The following ACACA variants were observed in gnomAD, a reference collection of about 807,000 sequenced individuals.
ACACA encodes the protein acetyl-CoA carboxylase 1.
ACACA carries 103 observed loss-of-function variants against 296.1 expected under a neutral mutation model. The ratio of observed to expected loss-of-function variants is 0.35; its 90% confidence interval spans 0.30 to 0.41. The LOEUF (loss-of-function observed/expected upper bound fraction) is 0.41. Ranked by LOEUF, ACACA falls within the 10% of genes least tolerant of loss-of-function variation. ACACA has a pLI of 1.00. For missense variants in ACACA, 1,554 were observed against 2,989.7 expected (o/e 0.52, Z 11.20); for synonymous variants, 953 against 1,038.6 (o/e 0.92, Z 1.58).
chr17:37,341,498 G>C (rs982561952), intron 1 of ACACA, among the ~76,000 whole-genome samples: 1 of 151,922 alleles, frequency 6.6e-6, no homozygotes, highest in African/African-American at 2.4e-5. Flanking sequence ...AAAACCAGCT[G>C]GGCCAACATG....
Position 37,171,961 on chromosome 17 carries a change from C to T in ACACA, c.5079+7299G>A, listed in dbSNP as rs117798402. Among the ~76,000 whole-genome samples, 39 of 152,150 alleles carry T rather than the reference C, an allele frequency of 2.6e-4. 1 individual carries two copies. In the East Asian group the frequency reaches 7.5e-3, roughly 29 times the overall value. ...TTAACCAAGTTGGCCTACTATAGTC[C>T]CAGAAGCCTTGTCCATTAATCATAC... On this transcript the variant is annotated intron_variant, in intron 41 of 55. Transcript: ENST00000616317.
At chr17:37,335,522 A>C (rs2048077802) in intron 2 of ACACA, among the ~76,000 whole-genome samples, 1 of 152,158 alleles carries the variant, frequency 6.6e-6, no homozygotes, top group African/African-American at 2.4e-5. Flanking sequence ...GGCTCTTCAG[A>C]ATCTGTGTGC....
At chr17:37,390,248 ATATAT>A (rs1302926578) in intron 1 of ACACA, among the ~76,000 whole-genome samples, 700 of 34,962 alleles carry the variant, frequency 0.02, 46 homozygotes, top group African/African-American at 0.12. Context: ...TATATTATAT[ATATAT>A]TATATATAAT....
rs993755297 is a variant in ACACA at position 37,200,232 on chromosome 17, T to C, written c.4114-49A>G. On this transcript the variant is annotated intron_variant, in intron 34 of 55. Coordinates refer to ENST00000616317, the MANE Select transcript of ACACA (RefSeq NM_198834.3). The stretch of plus-strand genomic sequence containing the variant: ...AAGGAAAGACAGCAGAAGTTGGCAA[T>C]TAGTAACAAAATCAAAAAGAAATTG... The C allele has an allele frequency of 5.9e-6, 9 of 1,512,904 alleles. No homozygotes were observed. In the African/African-American group the frequency reaches 9.6e-5, roughly 16 times the overall value. 93.7% of individuals were successfully genotyped at this position (1,512,904 alleles called of 1,614,324 possible).
At position 37,173,357 on chromosome 17, in the gene ACACA, T is replaced by C. The variant is rs145214237; in HGVS notation, c.5079+5903A>G. ...GGTTTTTCTAAAATAAGAGGTCCTT[T>C]GGGTTAAGAGGTCCAGCCTAAGAAC... On this transcript the variant is annotated intron_variant, in intron 41 of 55. Transcript: ENST00000616317. 2.6e-5 allele frequency among the ~76,000 whole-genome samples: 4 copies of C among 152,306 alleles called. No individual in the cohort carries two copies. The East Asian group carries it at 7.7e-4, about 29-fold the overall frequency.
intron 10 of ACACA, 59 bp from the exon 11 acceptor site, chr17:37,263,953 T>C: frequency 7.1e-7 from 1 of 1,403,528 alleles, no homozygotes; most frequent in Non-Finnish European, 1.0e-6. Context: ...TTTTTATCTA[T>C]CTTGATAAGC....
chr17:37,312,859 T>C (rs1236160333), intron 3 of ACACA, among the ~76,000 whole-genome samples: 1 of 151,756 alleles, frequency 6.6e-6, no homozygotes, highest in African/African-American at 2.4e-5. Flanking sequence ...AGACCCCATC[T>C]CTACAAAAAA....
Position 37,238,516 on chromosome 17 carries a change from T to C in ACACA, c.3121+1960A>G, listed in dbSNP as rs1001278751. Among the ~76,000 whole-genome samples, 3 of 152,152 alleles carry C rather than the reference T, an allele frequency of 2.0e-5. No homozygotes were observed. The South Asian group carries it at 6.2e-4, about 31-fold the overall frequency. ...CTTTATATTAAATCTTGATATCTGATTAGGCAAATCTTTTCACCTTGTATT... is the reference window on the plus strand; with the variant it reads ...CTTTATATTAAATCTTGATATCTGACTAGGCAAATCTTTTCACCTTGTATT... On this transcript the variant is annotated intron_variant, in intron 24 of 55. Transcript: ENST00000616317.
intron 3 of ACACA, among the ~76,000 whole-genome samples, chr17:37,298,366 A>G (rs1192297890): frequency 7.2e-5 from 11 of 152,196 alleles, no homozygotes; most frequent in African/African-American, 2.7e-4. Flanking sequence ...TAAAAACTCT[A>G]CATTATAAAA....
At chr17:37,284,214 A>G (rs1488012844) in intron 4 of ACACA, among the ~76,000 whole-genome samples, 1 of 152,174 alleles carries the variant, frequency 6.6e-6, no homozygotes, top group Non-Finnish European at 1.5e-5. Context: ...TGGAATCTCT[A>G]AGTATATCAT....
chr17:37,166,406 T>C (rs1427627769), intron 41 of ACACA, among the ~76,000 whole-genome samples: 1 of 152,182 alleles, frequency 6.6e-6, no homozygotes, highest in Non-Finnish European at 1.5e-5. Flanking sequence ...CCCAAAATGC[T>C]GGGATTACAG....
At chr17:37,291,225 G>C (rs960371267) in intron 3 of ACACA, among the ~76,000 whole-genome samples, 24 of 149,378 alleles carry the variant, frequency 1.6e-4, no homozygotes, top group African/African-American at 5.2e-4. Flanking sequence ...GCCCAGGCTG[G>C]AGTACAATGG....
chr17:37,152,590 A>G (rs977589693), intron 43 of ACACA, among the ~76,000 whole-genome samples: 4 of 152,226 alleles, frequency 2.6e-5, no homozygotes, highest in African/African-American at 9.6e-5. Flanking sequence ...CAAGTTGTCC[A>G]GAAAGCATCC....
In ACACA at chr17:37,244,828, A is replaced by T. The variant is rs572521590; in HGVS notation, c.2596-94T>A. 572 of 1,545,964 alleles carry T rather than the reference A, an allele frequency of 3.7e-4. 1 individual carries two copies. Among genetic ancestry groups the T allele is most frequent in the Middle Eastern group, 1.0e-3 (6 of 5,944 alleles). Reference sequence around the variant, plus strand: ...TTAAGAGTTATCATTCAAAATCGAGACATCATACCCAGCTACCAGGAGGGA... The same window carrying T: ...TTAAGAGTTATCATTCAAAATCGAGTCATCATACCCAGCTACCAGGAGGGA... On this transcript the variant is annotated intron_variant, in intron 20 of 55. Transcript: ENST00000616317.
At chr17:37,145,028 G>T (rs2075755016) in intron 45 of ACACA, among the ~76,000 whole-genome samples, 1 of 152,202 alleles carries the variant, frequency 6.6e-6, no homozygotes, top group African/African-American at 2.4e-5. Context: ...TGGATTGAGA[G>T]CTAGTAGGCT....
intron 52 of ACACA, among the ~76,000 whole-genome samples, chr17:37,102,326 TC>T (rs1454590654): frequency 6.7e-6 from 1 of 149,374 alleles, no homozygotes; most frequent in Non-Finnish European, 1.5e-5. Context: ...TGCCTCAGAC[TC>T]CCAAGTAGCT....
chr17:37,179,636 C>A (rs2077245473), intron 40 of ACACA, among the ~76,000 whole-genome samples: 1 of 152,056 alleles, frequency 6.6e-6, no homozygotes, highest in Non-Finnish European at 1.5e-5. Context: ...CTGAGTGATT[C>A]CAAATCAGCA....
chr17:37,275,342 C>T (rs1262155012), intron 8 of ACACA, among the ~76,000 whole-genome samples: 1 of 151,650 alleles, frequency 6.6e-6, no homozygotes, highest in African/African-American at 2.4e-5. Flanking sequence ...CAAAAAAATA[C>T]AAAAATTAGC....
intron 25 of ACACA, among the ~76,000 whole-genome samples, chr17:37,233,911 T>C (rs1459967231): frequency 6.6e-6 from 1 of 152,212 alleles, no homozygotes; most frequent in Non-Finnish European, 1.5e-5. Context: ...ACTCTCCCTA[T>C]AATTACATAT....
Sources: gnomAD v4.1 joint callset for allele counts (sites outside exome capture counted in the v4.1 genomes callset) on GRCh38, gnomAD v4.1.1 for gene constraint, MANE v1.5 for transcripts, NCBI Gene and HGNC (gene_info 2026-07-23, HGNC 2026-07-21) for gene names.